The following LRIT1 variants were observed in gnomAD, a reference collection of about 807,000 sequenced individuals.
The protein encoded by LRIT1 is leucine rich repeat, Ig-like and transmembrane domains 1, also known as leucine-rich repeat, immunoglobulin-like domain and transmembrane domain-containing protein 1.
A neutral mutation model predicts 24.0 loss-of-function variants in LRIT1; 23 were observed. That is an observed-to-expected ratio of 0.96 (90% CI 0.69 to 1.36). The LOEUF (loss-of-function observed/expected upper bound fraction) is 1.36. Ranked by LOEUF, LRIT1 falls within the 40% of genes most tolerant of loss-of-function variation. The probability of loss-of-function intolerance (pLI) is 0.00; values close to 1 mark genes in which losing one functional copy is unlikely to be tolerated. For missense variants in LRIT1, 846 were observed against 806.3 expected, an observed-to-expected ratio of 1.05 and a Z score of -0.60; for synonymous variants, 361 against 340.5, an observed-to-expected ratio of 1.06 and a Z score of -0.66.
chr10:84,237,553 C>T lies in LRIT1; in HGVS notation c.256G>A (p.Glu86Lys). Residue 86 changes from glutamate to lysine, a missense_variant, in exon 2 of 4, where the codon GAG (glutamate) becomes AAG (lysine). By Grantham distance (56) the Glu-to-Lys change is moderately conservative. Transcript: ENST00000372105. ...GCGTTGTAAGGCAGCCACAGCTGCT[C>T]CAGGCGGCCCAGGGGCCTGAAGGCC... ...GEAFRPLGRLEQLWLPYNALS... is the reference protein window; with the variant it reads ...GEAFRPLGRLKQLWLPYNALS... 3 of 1,605,892 alleles carry T rather than the reference C, an allele frequency of 1.9e-6. No homozygotes were observed. The highest frequency in any genetic ancestry group is 2.5e-6 in the Non-Finnish European group (3 of 1,179,714).
chr10:84,239,630 G>A (rs1254001302), intron 1 of LRIT1, among the ~76,000 whole-genome samples: 1 of 152,162 alleles, frequency 6.6e-6, no homozygotes, highest in African/African-American at 2.4e-5. Context: ...ACTCCGGGTG[G>A]GGTAAAACCA....
intron 2 of LRIT1, among the ~76,000 whole-genome samples, chr10:84,235,137 C>T (rs1842637655): frequency 6.6e-6 from 1 of 152,022 alleles, no homozygotes. Context: ...TCTTTTAGTC[C>T]CCAAAGACTT....
rs1187443198 is a variant in LRIT1 at position 84,232,370 on chromosome 10, G to GCA, written c.1427_1428dup (p.Gln477CysfsTer8). The GCA allele has an allele frequency of 6.2e-7, 1 of 1,613,760 alleles. No individual in the cohort carries two copies. Among genetic ancestry groups the GCA allele is most frequent in the East Asian group, 2.2e-5 (1 of 44,878 alleles). ...ATGGTCACTCTGGTCTTCCCAGGCT[G>GCA]CACAATCACCCGCCGCATGCTGTGC... On this transcript the variant is annotated frameshift_variant, in exon 4 of 4. Transcript: ENST00000372105. LOFTEE classifies it low-confidence loss of function (END_TRUNC).
intron 2 of LRIT1, among the ~76,000 whole-genome samples, chr10:84,236,546 G>A (rs950852943): frequency 2.0e-5 from 3 of 152,102 alleles, no homozygotes; most frequent in South Asian, 2.1e-4. Context: ...AAAAGTTAGC[G>A]TTGGTTAGTA....
Position 84,231,889 on chromosome 10 carries a change from G to T in LRIT1, c.*38C>A, listed in dbSNP as rs61867368. 3.8e-6 allele frequency: 6 copies of T among 1,565,610 alleles called. No individual in the cohort carries two copies. In the East Asian group the frequency reaches 1.4e-4, roughly 35 times the overall value. On this transcript the variant is annotated 3_prime_UTR_variant, in exon 4 of 4. Transcript: ENST00000372105. Reference sequence around the variant, plus strand: ...CAGGTGTCAGAGCTAAAGAAGGAGCGTGGGCAGGCAGGTGTGTGAGTTGCG... The same window carrying T: ...CAGGTGTCAGAGCTAAAGAAGGAGCTTGGGCAGGCAGGTGTGTGAGTTGCG...
chr10:84,237,283 C>A lies in LRIT1; in HGVS notation c.526G>T (p.Val176Phe), dbSNP rs149785594. 3.9e-6 allele frequency: 6 copies of A among 1,550,848 alleles called. No individual in the cohort carries two copies. The African/African-American group carries it at 4.1e-5, about 11-fold the overall frequency. The change falls in exon 2 of 4, where the codon GTC (valine) becomes TTC (phenylalanine). Residue 176 changes from valine (V) to phenylalanine (F), a missense_variant. Transcript: ENST00000372105. ...CCGGTCTCCAGGTGAGCCCAGGAGA[C>A]GATGAGCTCCTGCGGGAGCCTCATC... ...QLMRLPQELIVSWAHLETGIF... is the reference protein window; with the variant it reads ...QLMRLPQELIFSWAHLETGIF...
At chr10:84,241,207 C>T (rs985679292) in intron 1 of LRIT1, 111 bp downstream of exon 1, 12 of 1,519,694 alleles carry the variant, frequency 7.9e-6, no homozygotes, top group Admixed American at 1.8e-5. Context: ...CCTCAAGGGC[C>T]AAGGGAGATG....
At chr10:84,238,669 C>A (rs1455179315) in intron 1 of LRIT1, among the ~76,000 whole-genome samples, 4 of 152,180 alleles carry the variant, frequency 2.6e-5, no homozygotes, top group Non-Finnish European at 4.4e-5. Flanking sequence ...TGAGGTAATG[C>A]ATGTGGAAGC....
chr10:84,239,518 G>A (rs2132868489), intron 1 of LRIT1, among the ~76,000 whole-genome samples: 1 of 152,312 alleles, frequency 6.6e-6, no homozygotes, highest in African/African-American at 2.4e-5. Flanking sequence ...CAGGTGATTG[G>A]AAAACTTATC....
At chr10:84,236,403 A>T (rs1040220132) in intron 2 of LRIT1, among the ~76,000 whole-genome samples, 9 of 152,398 alleles carry the variant, frequency 5.9e-5, no homozygotes, top group African/African-American at 2.2e-4. Context: ...ATGGCTAAAT[A>T]AACTATAGTA....
At chr10:84,236,583 T>C (rs1369689746) in intron 2 of LRIT1, among the ~76,000 whole-genome samples, 1 of 152,212 alleles carries the variant, frequency 6.6e-6, no homozygotes, top group Non-Finnish European at 1.5e-5. Context: ...ATGTAAAACA[T>C]ACACATAACT....
At position 84,241,317 on chromosome 10, in the gene LRIT1, C is replaced by G; in HGVS notation, c.122+1G>C. The G allele has an allele frequency of 6.2e-7, 1 of 1,613,890 alleles. No individual in the cohort carries two copies. The highest frequency in any genetic ancestry group is 8.5e-7 in the Non-Finnish European group (1 of 1,179,942). On this transcript the variant is annotated splice_donor_variant, in intron 1 of 3. Transcript: ENST00000372105. LOFTEE classifies it high-confidence loss of function. ...CCCGTCCCACGCACCCGGTACCATA[C>G]CTGGCCTTGCTGCCATCACCCATGA...
At position 84,241,430 on chromosome 10, in the gene LRIT1, C is replaced by A. The variant is rs1192876911; in HGVS notation, c.10G>T (p.Ala4Ser). Reference sequence around the variant, plus strand: ...GCCAAGAGCCAGAGCATGCCTAATGCCACCCTCATGGCTCCTGGCTCCTCT... The same window carrying A: ...GCCAAGAGCCAGAGCATGCCTAATGACACCCTCATGGCTCCTGGCTCCTCT... MRV[A>S]LGMLWLLALA... Residue 4 changes from alanine (A) to serine (S), a missense_variant, in exon 1 of 4, where the codon GCA (alanine) becomes TCA (serine). Ala to Ser is a moderately conservative substitution (Grantham distance 99). Coordinates refer to ENST00000372105, the MANE Select transcript of LRIT1 (RefSeq NM_015613.3). 1.3e-6 allele frequency: 2 copies of A among 1,589,310 alleles called. No individual in the cohort carries two copies. The highest frequency in any genetic ancestry group is 4.6e-5 in the East Asian group (2 of 43,702).
Position 84,237,358 on chromosome 10 carries a change from C to T in LRIT1, c.451G>A (p.Ala151Thr), listed in dbSNP as rs1243528196. The T allele has an allele frequency of 7.1e-6, 11 of 1,549,926 alleles. No homozygotes were observed. The highest frequency in any genetic ancestry group is 1.4e-5 in the African/African-American group (1 of 73,034). The change falls in exon 2 of 4, where the codon GCG becomes ACG. Residue 151 changes from alanine (A) to threonine (T), a missense_variant. Transcript: ENST00000372105. Reference protein sequence around the residue: ...NRLSAVPAEAARFLENLTFLD... With the variant: ...NRLSAVPAEATRFLENLTFLD... ...AAGGTGAGGTTCTCCAGGAAGCGCG[C>T]GGCCTCAGCGGGCACAGCCGAGAGG...
In LRIT1 at chr10:84,235,998, C is replaced by T. The variant is rs371080069; in HGVS notation, c.589+1222G>A. Among the ~76,000 whole-genome samples, 16 of 151,654 alleles carry T rather than the reference C, an allele frequency of 1.1e-4. No individual in the cohort carries two copies. The South Asian group carries it at 2.7e-3, about 26-fold the overall frequency. ...CCTATCCTAGAGAAACATTGATGTG[C>T]ACAAGAACGTATTGCCGGCCGGGTG... On this transcript the variant is annotated intron_variant, in intron 2 of 3. Coordinates refer to ENST00000372105, the MANE Select transcript of LRIT1 (RefSeq NM_015613.3).
Position 84,232,514 on chromosome 10 carries a change from G to C in LRIT1, c.1285C>G (p.Arg429Gly). ...SDGRAGPSEARMVRSVKVVGD... is the reference protein window; with the variant it reads ...SDGRAGPSEAGMVRSVKVVGD... The stretch of plus-strand genomic sequence containing the variant: ...ACCACCTTCACAGACCTCACCATTC[G>C]TGCCTCTGAGGGTCCTGCCCGCCCA... Residue 429 changes from arginine (R) to glycine (G), a missense_variant, in exon 4 of 4, where the codon CGA (arginine) becomes GGA (glycine). Physicochemically the swap from Arg to Gly is moderately radical, Grantham distance 125. Transcript: ENST00000372105. 1 of 1,614,136 alleles carries C rather than the reference G, an allele frequency of 6.2e-7. No individual in the cohort carries two copies. The highest frequency in any genetic ancestry group is 8.5e-7 in the Non-Finnish European group (1 of 1,180,018).
intron 1 of LRIT1, among the ~76,000 whole-genome samples, chr10:84,240,837 T>A (rs1241434496): frequency 1.3e-5 from 2 of 152,032 alleles, no homozygotes; most frequent in Non-Finnish European, 2.9e-5. Flanking sequence ...GAGAGGCAAG[T>A]GGTCCCATCA....
intron 1 of LRIT1, 43 bp from the exon 2 acceptor site, chr10:84,237,729 G>A (rs200318630): frequency 2.0e-6 from 3 of 1,479,280 alleles, no homozygotes; most frequent in Non-Finnish European, 2.8e-6. Flanking sequence ...GATCCTGCCG[G>A]GTCTGGGATC....
In LRIT1 at chr10:84,232,909, A is replaced by G; in HGVS notation, c.896-6T>C. Reference sequence around the variant, plus strand: ...ACTGGAGACTTCCTGGTGCACTAGGAGGAAAACAGGCATGTGTGGGAGAAC... The same window carrying G: ...ACTGGAGACTTCCTGGTGCACTAGGGGGAAAACAGGCATGTGTGGGAGAAC... On this transcript the variant is annotated splice_region_variant and splice_polypyrimidine_tract_variant and intron_variant, in intron 3 of 3. Coordinates refer to ENST00000372105, the MANE Select transcript of LRIT1 (RefSeq NM_015613.3). 3 of 1,606,846 alleles carry G rather than the reference A, an allele frequency of 1.9e-6. No homozygotes were observed. Among genetic ancestry groups the G allele is most frequent in the Non-Finnish European group, 2.5e-6 (3 of 1,178,808 alleles).
Sources: gnomAD v4.1 joint callset for allele counts (sites outside exome capture counted in the v4.1 genomes callset) on GRCh38, gnomAD v4.1.1 for gene constraint, MANE v1.5 for transcripts, NCBI Gene and HGNC (gene_info 2026-07-23, HGNC 2026-07-21) for gene names.